Variants in LINGO1 observed in about 807,000 individuals in gnomAD.
LINGO1 encodes the protein leucine-rich repeat and immunoglobulin-like domain-containing nogo receptor-interacting protein 1.
A neutral mutation model predicts 37.3 loss-of-function variants in LINGO1; 11 were observed. The observed-to-expected ratio is 0.29, with a 90% CI of 0.19 to 0.49. The LOEUF (loss-of-function observed/expected upper bound fraction) is 0.49, where lower values mean the gene tolerates loss of function less well. Ranked by LOEUF, LINGO1 falls within the 20% of genes least tolerant of loss-of-function variation. LINGO1 has a pLI of 0.99. For synonymous variants in LINGO1, 387 were observed against 403.0 expected, an observed-to-expected ratio of 0.96 and a Z score of 0.48; for missense variants, 585 against 878.2, an observed-to-expected ratio of 0.67 and a Z score of 4.22.
intron 1 of LINGO1, among the ~76,000 whole-genome samples, chr15:77,695,127 T>C (rs935613892): frequency 9.9e-5 from 15 of 152,074 alleles, no homozygotes; most frequent in African/African-American, 2.4e-4. Context: ...CTTGTCCAAA[T>C]TGAAAATATT....
At chr15:77,639,582 T>C (rs11633639) in intron 3 of LINGO1, among the ~76,000 whole-genome samples, 13,326 of 151,946 alleles carry the variant, frequency 0.088, 746 homozygotes, top group African/African-American at 0.16. Flanking sequence ...GTGCCCATCA[T>C]TGGGAAAAGG....
chr15:77,669,581 T>C (rs918045258), intron 3 of LINGO1, among the ~76,000 whole-genome samples: 2 of 152,196 alleles, frequency 1.3e-5, no homozygotes, highest in African/African-American at 4.8e-5. Flanking sequence ...CAGGCTAAGC[T>C]AAGCTCAGAT....
At chr15:77,691,438 T>A (rs1329852966) in intron 1 of LINGO1, among the ~76,000 whole-genome samples, 4 of 152,166 alleles carry the variant, frequency 2.6e-5, no homozygotes, top group African/African-American at 7.2e-5. Context: ...ATCATGTTCA[T>A]CGCCAGCAGT....
At chr15:77,790,646 C>T (rs1179936815), upstream of LINGO1, among the ~76,000 whole-genome samples, 3 of 152,172 alleles carry the variant, frequency 2.0e-5, no homozygotes, top group East Asian at 3.9e-4. Flanking sequence ...GGCAGGTCCT[C>T]CACCAAGCCA....
At chr15:77,813,538 CAGGCT>C (rs1286690546) in intron 1 of LINGO1, among the ~76,000 whole-genome samples, 4 of 152,120 alleles carry the variant, frequency 2.6e-5, no homozygotes, top group Non-Finnish European at 4.4e-5. Flanking sequence ...TGGTTTCCAC[CAGGCT>C]GCATGCCCCA....
chr15:77,680,345 G>C (rs1331169305), intron 2 of LINGO1, among the ~76,000 whole-genome samples: 1 of 152,212 alleles, frequency 6.6e-6, no homozygotes, highest in Middle Eastern at 3.2e-3. Context: ...GTACCGGTTA[G>C]TGCAGCACAA....
At chr15:77,721,797 C>T (rs2141314451) in intron 2 of LINGO1, among the ~76,000 whole-genome samples, 1 of 152,232 alleles carries the variant, frequency 6.6e-6, no homozygotes, top group Middle Eastern at 3.4e-3. Context: ...GACCTCGCAA[C>T]TTCATCCTCC....
chr15:77,786,962 A>G (rs4511491), exon 1 of LINGO1: 85,171 of 152,140 alleles, frequency 0.56, 23,865 homozygotes, highest in South Asian at 0.62. Flanking sequence ...CAGGCCTGGC[A>G]CTTTCAGGGC....
intron 2 of LINGO1, among the ~76,000 whole-genome samples, chr15:77,795,145 G>A (rs2076862720): frequency 6.6e-6 from 1 of 152,150 alleles, no homozygotes; most frequent in African/African-American, 2.4e-5. Flanking sequence ...GGTGACAGAG[G>A]CCTGTTGAGA....
At chr15:77,789,907 G>A (rs1567585797), upstream of LINGO1, among the ~76,000 whole-genome samples, 1 of 152,100 alleles carries the variant, frequency 6.6e-6, no homozygotes, top group Non-Finnish European at 1.5e-5. Context: ...AAGTAGCTGG[G>A]ACCACAGGTG....
intron 2 of LINGO1, among the ~76,000 whole-genome samples, chr15:77,687,692 C>T (rs942616485): frequency 1.3e-5 from 2 of 152,218 alleles, no homozygotes; most frequent in Non-Finnish European, 2.9e-5. Context: ...GGGTTATCCA[C>T]CCACTGCCAC....
At chr15:77,672,969 A>G (rs1221160646) in intron 3 of LINGO1, among the ~76,000 whole-genome samples, 1 of 152,160 alleles carries the variant, frequency 6.6e-6, no homozygotes, top group African/African-American at 2.4e-5. Flanking sequence ...CAGACATGAG[A>G]CTTTGGGGAC....
intron 1 of LINGO1, among the ~76,000 whole-genome samples, chr15:77,783,787 T>C (rs1489599529): frequency 6.6e-6 from 1 of 152,190 alleles, no homozygotes; most frequent in African/African-American, 2.4e-5. Context: ...GCAGGGAAGC[T>C]AGACCCAAAT....
rs562763282 is a variant in LINGO1 at position 77,805,670 on chromosome 15, G to A, written c.-457-9617C>T. 7.9e-5 allele frequency among the ~76,000 whole-genome samples: 12 copies of A among 152,210 alleles called. No homozygotes were observed. In the East Asian group the frequency reaches 2.3e-3, roughly 29 times the overall value. On this transcript the variant is annotated intron_variant, in intron 1 of 5. Coordinates refer to the LINGO1 transcript ENST00000562933. ...CTGGTGGTCTCGGTGCCTCTGTGTT[G>A]CCACAGTCTCTACCACCCCATATTG...
At chr15:77,668,112 GGT>G (rs754794225) in intron 3 of LINGO1, 1 of 152,338 alleles carries the variant, frequency 6.6e-6, no homozygotes, top group Non-Finnish European at 1.5e-5. Context: ...AAGTGAATGA[GGT>G]GCAAAATCAG....
intron 1 of LINGO1, among the ~76,000 whole-genome samples, chr15:77,804,559 G>T (rs2076944575): frequency 6.6e-6 from 1 of 152,202 alleles, no homozygotes; most frequent in Non-Finnish European, 1.5e-5. Context: ...TCAGACTCTT[G>T]GCCTCAGCTT....
chr15:77,709,163 T>C (rs766861723), intron 2 of LINGO1, among the ~76,000 whole-genome samples: 32 of 152,340 alleles, frequency 2.1e-4, no homozygotes, highest in Non-Finnish European at 4.4e-4. Context: ...ACCAGGTTTA[T>C]AGTAATTTGT....
At chr15:77,746,899 G>C (rs1001306597) in intron 1 of LINGO1, among the ~76,000 whole-genome samples, 1 of 152,140 alleles carries the variant, frequency 6.6e-6, no homozygotes, top group East Asian at 1.9e-4. Flanking sequence ...CAGGGAAGGA[G>C]GGTGCTGAAA....
intron 1 of LINGO1, chr15:77,785,029 G>A (rs2076757674): frequency 1.3e-5 from 2 of 152,266 alleles, no homozygotes; most frequent in Admixed American, 1.3e-4. Flanking sequence ...CATGATGTGT[G>A]GAGTTCGATT....
Sources: gnomAD v4.1 joint callset for allele counts (sites outside exome capture counted in the v4.1 genomes callset) on GRCh38, gnomAD v4.1.1 for gene constraint, MANE v1.5 for transcripts, NCBI Gene and HGNC (gene_info 2026-07-23, HGNC 2026-07-21) for gene names.